The following MTA3 variants were observed in gnomAD, a reference collection of about 807,000 sequenced individuals.
The protein encoded by MTA3 is metastasis-associated protein MTA3.
MTA3 carries 34 observed loss-of-function variants against 83.5 expected under a neutral mutation model. The observed-to-expected ratio is 0.41, with a 90% CI of 0.31 to 0.54. The LOEUF is 0.54. MTA3 is among the 20% of genes least tolerant of loss of function. The pLI, the probability that MTA3 is intolerant of heterozygous loss-of-function variation, is 0.33. For missense variants in MTA3, 761 were observed against 726.4 expected (o/e 1.05, Z -0.55); for synonymous variants, 303 against 252.7 (o/e 1.20, Z -1.89).
intron 2 of MTA3, among the ~76,000 whole-genome samples, chr2:42,556,044 C>A (rs1274926006): frequency 6.6e-6 from 1 of 151,942 alleles, no homozygotes; most frequent in Non-Finnish European, 1.5e-5. Flanking sequence ...TGCATTCCAG[C>A]CTGGGCGACA....
At chr2:42,564,699 A>G (rs1437657515), upstream of MTA3, among the ~76,000 whole-genome samples, 1 of 152,326 alleles carries the variant, frequency 6.6e-6, no homozygotes, top group East Asian at 1.9e-4. Flanking sequence ...GTTTCAGATT[A>G]ATTACATTTT....
At chr2:42,708,261 A>C (rs1483187708) in intron 13 of MTA3, among the ~76,000 whole-genome samples, 2 of 152,214 alleles carry the variant, frequency 1.3e-5, no homozygotes, top group African/African-American at 4.8e-5. Flanking sequence ...GGTCTCAGAC[A>C]AAAAAACAAT....
At chr2:42,743,878 C>T (rs1489048234) in intron 16 of MTA3, among the ~76,000 whole-genome samples, 1 of 152,136 alleles carries the variant, frequency 6.6e-6, no homozygotes, top group Non-Finnish European at 1.5e-5. Flanking sequence ...TGATGGCACT[C>T]CTAGGCATGC....
At chr2:42,693,932 C>G (rs1354865365) in intron 9 of MTA3, among the ~76,000 whole-genome samples, 5 of 152,206 alleles carry the variant, frequency 3.3e-5, no homozygotes, top group Non-Finnish European at 7.3e-5. Context: ...CCAGGCATTG[C>G]TGCTGGTTAC....
Position 42,753,517 on chromosome 2 carries a change from G to T in MTA3, c.*118G>T. The T allele has an allele frequency of 6.6e-7, 1 of 1,521,440 alleles. No individual in the cohort carries two copies. The highest frequency in any genetic ancestry group is 8.8e-7 in the Non-Finnish European group (1 of 1,131,212). 94.2% of individuals were successfully genotyped at this position (1,521,440 alleles called of 1,614,324 possible). ...GTACATTTCAGTGGGAGACCTCTGCGTGCATCCATGGAGACGCAATGGGGC... is the reference window on the plus strand; with the variant it reads ...GTACATTTCAGTGGGAGACCTCTGCTTGCATCCATGGAGACGCAATGGGGC... On this transcript the variant is annotated 3_prime_UTR_variant, in exon 17 of 17. Transcript: ENST00000405094.
chr2:42,527,052 CAAAA>C (rs34030475), intron 2 of MTA3, among the ~76,000 whole-genome samples: 8 of 45,324 alleles, frequency 1.8e-4, no homozygotes, highest in East Asian at 1.6e-3. Flanking sequence ...GACTCTGTCT[CAAAA>C]AAAAAAAAAA....
At chr2:42,522,553 T>C (rs1032115496) in intron 2 of MTA3, among the ~76,000 whole-genome samples, 1 of 152,058 alleles carries the variant, frequency 6.6e-6, no homozygotes, top group African/African-American at 2.4e-5. Flanking sequence ...CTCAGCACTT[T>C]GGGAGGCTAA....
chr2:42,719,098 A>G, intron 15 of MTA3, 24 bp downstream of exon 15: 3 of 1,490,344 alleles, frequency 2.0e-6, no homozygotes, highest in Non-Finnish European at 2.7e-6. Flanking sequence ...AATAGAGGAA[A>G]AACTCAAAGA....
At chr2:42,698,842 CAG>C (rs1270624564) in intron 11 of MTA3, among the ~76,000 whole-genome samples, 4 of 152,282 alleles carry the variant, frequency 2.6e-5, no homozygotes, top group Admixed American at 1.3e-4. Flanking sequence ...GTAATTTTTA[CAG>C]AGTCTGTAAT....
intron 6 of MTA3, among the ~76,000 whole-genome samples, chr2:42,655,238 C>G (rs769320118): frequency 1.3e-5 from 2 of 152,162 alleles, no homozygotes; most frequent in African/African-American, 2.4e-5. Flanking sequence ...AAAGTCTCTT[C>G]GAAAAACATC....
chr2:42,679,715 T>C (rs1691697635), intron 8 of MTA3, among the ~76,000 whole-genome samples: 1 of 152,358 alleles, frequency 6.6e-6, no homozygotes, highest in East Asian at 1.9e-4. Context: ...CTGTACTCGT[T>C]TTTTAAGCTA....
chr2:42,562,101 C>A (rs1677699893), intron 2 of MTA3, among the ~76,000 whole-genome samples: 1 of 152,188 alleles, frequency 6.6e-6, no homozygotes, highest in Non-Finnish European at 1.5e-5. Flanking sequence ...ATCTCTGCGT[C>A]TCCCTTCACA....
chr2:42,755,715 A>C lies in MTA3; in HGVS notation c.*2316A>C, dbSNP rs1265032672. On this transcript the variant is annotated 3_prime_UTR_variant, in exon 17 of 17. Transcript: ENST00000405094. ...TTGGTGCTGAGAGGGTTTCCCAGCC[A>C]CCCGCTCCCTTTCTGGGGCCATGGT... is the stretch of plus-strand genomic sequence containing the variant. 1 of 985,360 alleles carries C rather than the reference A, an allele frequency of 1.0e-6. No individual in the cohort carries two copies. The highest frequency in any genetic ancestry group is 6.2e-5 in the Admixed American group (1 of 16,256). The allele number at this position is 985,360 out of a possible 1,614,324, so 61.0% of individuals were successfully genotyped here.
At position 42,756,634 on chromosome 2, in the gene MTA3, G is replaced by A; in HGVS notation, c.*3235G>A. ...GAGAGGAAACGGCTTTGGGGAGGGA[G>A]GGGGAAGCCTTTATTCTTTACTGTT... On this transcript the variant is annotated 3_prime_UTR_variant, in exon 17 of 17. Coordinates refer to ENST00000405094, the MANE Select transcript of MTA3 (RefSeq NM_001330442.2). The A allele has an allele frequency of 3.0e-6, 3 of 985,524 alleles. No individual in the cohort carries two copies. Among genetic ancestry groups the A allele is most frequent in the Non-Finnish European group, 3.6e-6 (3 of 829,982 alleles). The allele number at this position is 985,524 out of a possible 1,614,324, so 61.0% of individuals were successfully genotyped here.
chr2:42,516,064 G>A (rs754567855), intron 2 of MTA3, among the ~76,000 whole-genome samples: 4 of 151,476 alleles, frequency 2.6e-5, no homozygotes, highest in Non-Finnish European at 4.4e-5. Context: ...ACAGGCACCC[G>A]CCACCACGCC....
chr2:42,704,968 T>C (rs1665934262), intron 12 of MTA3, among the ~76,000 whole-genome samples: 1 of 152,218 alleles, frequency 6.6e-6, no homozygotes, highest in South Asian at 2.1e-4. Flanking sequence ...TTGGTGATAT[T>C]ATCATCTATG....
At chr2:42,613,493 T>C (rs1347729500) in intron 4 of MTA3, among the ~76,000 whole-genome samples, 1 of 152,238 alleles carries the variant, frequency 6.6e-6, no homozygotes, top group Admixed American at 6.5e-5. Context: ...CAAGTGCACA[T>C]TGGAGTGGTC....
intron 2 of MTA3, among the ~76,000 whole-genome samples, chr2:42,534,673 T>G (rs1473396326): frequency 2.0e-5 from 3 of 152,230 alleles, no homozygotes; most frequent in African/African-American, 7.2e-5. Context: ...ACTCAGAACT[T>G]TATTTCTCTC....
At chr2:42,666,684 G>A (rs911011133) in intron 8 of MTA3, among the ~76,000 whole-genome samples, 5 of 152,228 alleles carry the variant, frequency 3.3e-5, no homozygotes, top group Non-Finnish European at 7.4e-5. Context: ...TGATTATTTT[G>A]TGTCTCTTTC....
Sources: allele counts gnomAD v4.1 joint callset (sites outside exome capture counted in the v4.1 genomes callset), GRCh38; gene constraint gnomAD v4.1.1; transcripts MANE v1.5; gene names NCBI Gene and HGNC (gene_info 2026-07-23, HGNC 2026-07-21).